Variants in SNX29 observed in about 807,000 individuals in gnomAD.
The protein encoded by SNX29 is sorting nexin-29.
Under a neutral mutation model 102.1 loss-of-function variants are expected in SNX29, and 78 were observed. That is an observed-to-expected ratio of 0.76 (90% CI 0.64 to 0.92). The LOEUF (loss-of-function observed/expected upper bound fraction) is 0.92, where lower values mean the gene tolerates loss of function less well. Among genes scored for constraint, SNX29 ranks in the 40% least tolerant of loss-of-function variants. The pLI is 0.00. For synonymous variants in SNX29, 580 were observed against 414.5 expected (o/e 1.40, Z -4.85); for missense variants, 1,280 against 1,061.7 (o/e 1.21, Z -2.86).
Position 12,568,517 on chromosome 16 carries a change from C to T in SNX29, c.2330C>T (p.Pro777Leu), listed in dbSNP as rs374169541. 42 of 1,609,956 alleles carry T rather than the reference C, an allele frequency of 2.6e-5. No homozygotes were observed. The highest frequency in any genetic ancestry group is 1.6e-4 in the Middle Eastern group (1 of 6,062). Residue 777 changes from proline (P) to leucine (L), a missense_variant, in exon 21 of 21, where the codon CCG (proline) becomes CTG (leucine). Coordinates refer to ENST00000566228, the MANE Select transcript of SNX29 (RefSeq NM_032167.5). The part of the protein sequence containing the change: ...QLMPFFVDIT[P>L]PGEPVNSRPK... ...CCCTGCTCTTTCAGCGACATCACCC[C>T]GCCCGGAGAGCCTGTGAACAGCCGG...
rs191991385 is a variant in SNX29, at chr16:12,020,139, T to G, written c.123-7181T>G. Among the ~76,000 whole-genome samples, 371 of 152,212 alleles carry G rather than the reference T, an allele frequency of 2.4e-3. 1 individual carries two copies. The highest frequency in any genetic ancestry group is 6.8e-3 in the Middle Eastern group (2 of 294). ...GGCAGTTTCTAAACTTTTTTTTTTT[T>G]TAAGACAAGGTCTTGTTCTGTCACC... On this transcript the variant is annotated intron_variant, in intron 3 of 20. Coordinates refer to ENST00000566228, the MANE Select transcript of SNX29 (RefSeq NM_032167.5).
At chr16:11,991,989 G>T (rs1447743273) in intron 1 of SNX29, among the ~76,000 whole-genome samples, 1 of 152,088 alleles carries the variant, frequency 6.6e-6, no homozygotes, top group Non-Finnish European at 1.5e-5. Context: ...TCTACCTGTT[G>T]CAGTCCTTCT....
intron 18 of SNX29, among the ~76,000 whole-genome samples, chr16:12,423,376 C>T (rs2084941804): frequency 6.6e-6 from 1 of 152,154 alleles, no homozygotes; most frequent in African/African-American, 2.4e-5. Context: ...CGGGCATGAG[C>T]AATGGCATCA....
intron 13 of SNX29, among the ~76,000 whole-genome samples, chr16:12,185,323 T>G (rs2076484520): frequency 6.6e-6 from 1 of 152,230 alleles, no homozygotes; most frequent in Non-Finnish European, 1.5e-5. Context: ...GTGCCAGCCC[T>G]GGTTGCTCTG....
chr16:12,377,836 G>A (rs1471338755), intron 16 of SNX29, among the ~76,000 whole-genome samples: 1 of 152,178 alleles, frequency 6.6e-6, no homozygotes, highest in Non-Finnish European at 1.5e-5. Context: ...TCAAAGAGAA[G>A]ACTGCCATGG....
chr16:12,068,263 G>T (rs1452153221), intron 9 of SNX29, among the ~76,000 whole-genome samples: 2 of 151,972 alleles, frequency 1.3e-5, no homozygotes, highest in Non-Finnish European at 2.9e-5. Context: ...GATTGCTTGA[G>T]CCCAGGAGTT....
chr16:12,400,419 G>A (rs1279609966), intron 17 of SNX29, among the ~76,000 whole-genome samples: 1 of 152,186 alleles, frequency 6.6e-6, no homozygotes, highest in Admixed American at 6.5e-5. Context: ...TCAGAGATGG[G>A]TGTCTCCTCA....
At position 12,570,450 on chromosome 16, in the gene SNX29, G is replaced by C. The variant is rs1160648972; in HGVS notation, c.*1821G>C. The C allele has an allele frequency of 1.2e-5, 3 of 240,174 alleles. No homozygotes were observed. The highest frequency in any genetic ancestry group is 2.2e-5 in the African/African-American group (1 of 45,440). The allele number at this position is 240,174 out of a possible 1,614,324, so 14.9% of individuals were successfully genotyped here. On this transcript the variant is annotated 3_prime_UTR_variant, in exon 21 of 21. Transcript: ENST00000566228. ...TCTAAATAGAGAGCCCTAATGGACT[G>C]AGGCAGGAAACGTCTAAAAGCTCAA...
At chr16:12,088,881 A>T (rs1033899399) in intron 11 of SNX29, among the ~76,000 whole-genome samples, 15 of 152,238 alleles carry the variant, frequency 9.9e-5, no homozygotes, top group South Asian at 4.1e-4. Context: ...TGAGGTCAGG[A>T]GTTCGAGACC....
chr16:12,041,178 C>A (rs1293276932), intron 4 of SNX29, among the ~76,000 whole-genome samples: 1 of 152,094 alleles, frequency 6.6e-6, no homozygotes, highest in African/African-American at 2.4e-5. Context: ...GTGGTGCGAT[C>A]TTGGCTCATT....
chr16:12,462,034 C>CACACAT (rs1280204997), intron 18 of SNX29, among the ~76,000 whole-genome samples: 1,598 of 132,256 alleles, frequency 0.012, 55 homozygotes, highest in African/African-American at 0.043. Flanking sequence ...CACACACACA[C>CACACAT]ACACACACAC....
At chr16:12,428,521 T>A (rs1173954265) in intron 18 of SNX29, among the ~76,000 whole-genome samples, 2 of 152,248 alleles carry the variant, frequency 1.3e-5, no homozygotes, top group African/African-American at 4.8e-5. Context: ...ACAGTTGCAA[T>A]TAATATCTCC....
intron 18 of SNX29, among the ~76,000 whole-genome samples, chr16:12,459,890 A>C (rs540810369): frequency 2.6e-4 from 39 of 152,320 alleles, no homozygotes; most frequent in African/African-American, 8.9e-4. Flanking sequence ...TGGTAATCAA[A>C]GAGTCTGTGA....
intron 16 of SNX29, among the ~76,000 whole-genome samples, chr16:12,361,951 C>CGCCTATACATGTTAATAACGAGCACAT (rs1389257061): frequency 6.6e-6 from 1 of 152,272 alleles, no homozygotes; most frequent in Non-Finnish European, 1.5e-5. Context: ...CGCTTTATTG[C>CGCCTATACATGTTAATAACGAGCACAT]GCCTATACAT....
intron 19 of SNX29, among the ~76,000 whole-genome samples, chr16:12,507,073 A>C (rs1343785797): frequency 6.6e-6 from 1 of 152,260 alleles, no homozygotes. Flanking sequence ...ATGATAGCTA[A>C]GGTGAGCTAA....
intron 18 of SNX29, among the ~76,000 whole-genome samples, chr16:12,409,771 C>G (rs2084320577): frequency 6.6e-6 from 1 of 152,156 alleles, no homozygotes; most frequent in Admixed American, 6.5e-5. Context: ...TGAAGTAATA[C>G]ATCAGTGTAC....
At chr16:12,003,223 T>A (rs191779783) in intron 3 of SNX29, among the ~76,000 whole-genome samples, 180 bp downstream of exon 3, 1 of 152,286 alleles carries the variant, frequency 6.6e-6, no homozygotes, top group Admixed American at 6.5e-5. Context: ...GTGGACTCTG[T>A]GCGGTGACTG....
At chr16:12,006,188 A>G (rs1231063554) in intron 3 of SNX29, among the ~76,000 whole-genome samples, 1 of 147,072 alleles carries the variant, frequency 6.8e-6, no homozygotes, top group Non-Finnish European at 1.5e-5. Context: ...TGGGCAATAG[A>G]CAGAGACCCT....
intron 16 of SNX29, among the ~76,000 whole-genome samples, chr16:12,359,295 G>C (rs2082234069): frequency 6.6e-6 from 1 of 152,206 alleles, no homozygotes; most frequent in South Asian, 2.1e-4. Flanking sequence ...GTTGTGGTAT[G>C]ACAGCAGAAG....
Sources: gnomAD v4.1 joint callset for allele counts (sites outside exome capture counted in the v4.1 genomes callset) on GRCh38, gnomAD v4.1.1 for gene constraint, MANE v1.5 for transcripts, NCBI Gene and HGNC (gene_info 2026-07-23, HGNC 2026-07-21) for gene names.